CSMD1: variants seen among roughly 807,000 people sequenced by gnomAD.
CSMD1 encodes the protein CUB and Sushi multiple domains 1, also known as CUB and sushi domain-containing protein 1.
Under a neutral mutation model 417.5 loss-of-function variants are expected in CSMD1, and 213 were observed. The observed-to-expected ratio is 0.51, with a 90% CI of 0.46 to 0.57. The LOEUF (loss-of-function observed/expected upper bound fraction) is 0.57. Among genes scored for constraint, CSMD1 ranks in the 20% least tolerant of loss-of-function variants. CSMD1 has a pLI of 0.00. For synonymous variants in CSMD1, 2,862 were observed against 1,736.8 expected (o/e 1.65, Z -16.11); for missense variants, 6,923 against 4,529.7 (o/e 1.53, Z -15.17).
chr8:3,740,285 T>C (rs1796729164), intron 6 of CSMD1, among the ~76,000 whole-genome samples: 1 of 152,136 alleles, frequency 6.6e-6, no homozygotes, highest in Non-Finnish European at 1.5e-5. Context: ...TTTCTATTTT[T>C]AGTACAGATG....
chr8:3,538,642 CCT>C (rs1030730408), intron 10 of CSMD1, among the ~76,000 whole-genome samples: 1 of 152,254 alleles, frequency 6.6e-6, no homozygotes, highest in African/African-American at 2.4e-5. Context: ...ATAGAGCTTT[CCT>C]CTTTTTGTTG....
At chr8:3,716,664 C>G (rs1182526313) in intron 6 of CSMD1, among the ~76,000 whole-genome samples, 11 of 152,140 alleles carry the variant, frequency 7.2e-5, no homozygotes, top group Admixed American at 2.0e-4. Flanking sequence ...CATCCTGTGA[C>G]TAAGAGTTCC....
intron 52 of CSMD1, among the ~76,000 whole-genome samples, chr8:3,001,961 A>G (rs1260281502): frequency 6.6e-6 from 1 of 152,176 alleles, no homozygotes; most frequent in Non-Finnish European, 1.5e-5. Flanking sequence ...GTGTTCTCCT[A>G]TTTTGGAGAA....
intron 5 of CSMD1, among the ~76,000 whole-genome samples, chr8:3,802,203 C>G (rs1737043145): frequency 6.6e-6 from 1 of 152,072 alleles, no homozygotes; most frequent in Non-Finnish European, 1.5e-5. Context: ...AAGGGCTTAT[C>G]ACACCTTGTA....
intron 7 of CSMD1, among the ~76,000 whole-genome samples, chr8:3,663,482 A>G (rs1321337600): frequency 6.6e-6 from 1 of 152,132 alleles, no homozygotes; most frequent in African/African-American, 2.4e-5. Context: ...TGTGAAAGGA[A>G]AATGAACCTC....
intron 12 of CSMD1, among the ~76,000 whole-genome samples, chr8:3,452,272 T>G (rs1815782224): frequency 6.6e-6 from 1 of 152,140 alleles, no homozygotes; most frequent in African/African-American, 2.4e-5. Context: ...AAAGGGACAA[T>G]TTGACTTCCT....
rs565050614 is a variant in CSMD1, at chr8:4,592,867, A to T, written c.302+44475T>A. The stretch of plus-strand genomic sequence containing the variant: ...TTGAAATGAATTTCCATATTTATTG[A>T]TTTTTTCATTTGCTCCCAAATTCTA... On this transcript the variant is annotated intron_variant, in intron 2 of 69. Transcript: ENST00000635120. Among the ~76,000 whole-genome samples, 3 of 152,030 alleles carry T rather than the reference A, an allele frequency of 2.0e-5. No homozygotes were observed. In the East Asian group the frequency reaches 5.8e-4, roughly 29 times the overall value.
intron 7 of CSMD1, among the ~76,000 whole-genome samples, chr8:3,626,304 G>C (rs1796490635): frequency 6.6e-6 from 1 of 152,148 alleles, no homozygotes; most frequent in African/African-American, 2.4e-5. Context: ...TTAAGACTCA[G>C]AAATAGTTTT....
chr8:3,477,967 A>T (rs1817524378), intron 11 of CSMD1, among the ~76,000 whole-genome samples: 1 of 152,266 alleles, frequency 6.6e-6, no homozygotes, highest in East Asian at 1.9e-4. Context: ...GAGTGCTTTC[A>T]TTGAATAAAT....
At chr8:3,839,297 C>A (rs1322799107) in intron 5 of CSMD1, among the ~76,000 whole-genome samples, 2 of 119,550 alleles carry the variant, frequency 1.7e-5, no homozygotes, top group Non-Finnish European at 3.2e-5. Flanking sequence ...ATTATATATA[C>A]TATTATATAT....
chr8:4,134,493 C>T (rs568922514), intron 3 of CSMD1, among the ~76,000 whole-genome samples: 4 of 152,226 alleles, frequency 2.6e-5, no homozygotes, highest in East Asian at 1.9e-4. Flanking sequence ...CTTTGATCTC[C>T]GACTTCCAGC....
intron 2 of CSMD1, among the ~76,000 whole-genome samples, chr8:4,618,122 G>A (rs184558378): frequency 3.9e-5 from 6 of 152,068 alleles, no homozygotes; most frequent in African/African-American, 1.4e-4. Context: ...TCACATGAAA[G>A]GTTTCTGTCC....
At chr8:4,287,770 T>C (rs926256982) in intron 3 of CSMD1, among the ~76,000 whole-genome samples, 1 of 151,874 alleles carries the variant, frequency 6.6e-6, no homozygotes, top group African/African-American at 2.4e-5. Flanking sequence ...ACCCGGTCGG[T>C]TGAGCGAGTT....
intron 2 of CSMD1, among the ~76,000 whole-genome samples, chr8:4,625,999 T>G (rs777094429): frequency 4.6e-5 from 7 of 152,152 alleles, no homozygotes; most frequent in African/African-American, 1.7e-4. Context: ...GCTGGGATTA[T>G]AGGCATGAGT....
chr8:4,274,877 C>A (rs544625634), intron 3 of CSMD1, among the ~76,000 whole-genome samples: 6 of 152,200 alleles, frequency 3.9e-5, no homozygotes, highest in South Asian at 4.1e-4. Flanking sequence ...CTCAAGTACC[C>A]AAAAGGTTTG....
At position 3,717,356 on chromosome 8, in the gene CSMD1, A is replaced by C. The variant is rs143406559; in HGVS notation, c.932-8865T>G. Among the ~76,000 whole-genome samples, 280 of 152,350 alleles carry C rather than the reference A, an allele frequency of 1.8e-3. 1 individual carries two copies. Among genetic ancestry groups the C allele is most frequent in the African/African-American group, 5.4e-3 (226 of 41,574 alleles). ...ATATGATTAAACATCTATTAATATT[A>C]GTCCCACTATAATAAAAGATATACA... is the stretch of plus-strand genomic sequence containing the variant. On this transcript the variant is annotated intron_variant, in intron 6 of 69. Coordinates refer to ENST00000635120, the MANE Select transcript of CSMD1 (RefSeq NM_033225.6).
chr8:3,073,674 T>C (rs1340938376), intron 49 of CSMD1, among the ~76,000 whole-genome samples: 1 of 152,070 alleles, frequency 6.6e-6, no homozygotes, highest in African/African-American at 2.4e-5. Flanking sequence ...GAAATACATA[T>C]GACTGACAAG....
intron 2 of CSMD1, among the ~76,000 whole-genome samples, chr8:4,609,957 A>G (rs887925376): frequency 4.6e-5 from 7 of 152,026 alleles, no homozygotes; most frequent in African/African-American, 1.7e-4. Flanking sequence ...CTATTAAACT[A>G]CCTAATTGGT....
At position 3,157,969 on chromosome 8, in the gene CSMD1, G is replaced by A; in HGVS notation, c.5845-3C>T. The A allele has an allele frequency of 6.4e-7, 1 of 1,552,298 alleles. No individual in the cohort carries two copies. The highest frequency in any genetic ancestry group is 1.7e-4 in the Middle Eastern group (1 of 5,994). On this transcript the variant is annotated splice_polypyrimidine_tract_variant and splice_region_variant and intron_variant, in intron 38 of 69. Transcript: ENST00000635120. ...ATACAGGAAATGTGGGAACGGCCCT[G>A]TTTAAAAGAAAACAAAAGAAAATAC...
Sources: gnomAD v4.1 joint callset for allele counts (sites outside exome capture counted in the v4.1 genomes callset) on GRCh38, gnomAD v4.1.1 for gene constraint, MANE v1.5 for transcripts, NCBI Gene and HGNC (gene_info 2026-07-23, HGNC 2026-07-21) for gene names.